Variants in APBB1IP observed in about 807,000 individuals in gnomAD.
The protein encoded by APBB1IP is amyloid beta A4 precursor protein-binding family B member 1-interacting protein.
Under a neutral mutation model 64.9 loss-of-function variants are expected in APBB1IP, and 27 were observed. That is an observed-to-expected ratio of 0.42 (90% CI 0.31 to 0.57). The LOEUF (loss-of-function observed/expected upper bound fraction) is 0.57. Among genes scored for constraint, APBB1IP ranks in the 20% least tolerant of loss-of-function variants. APBB1IP has a pLI of 0.20. For synonymous variants in APBB1IP, 392 were observed against 331.0 expected, an observed-to-expected ratio of 1.18 and a Z score of -2.00; for missense variants, 812 against 845.5, an observed-to-expected ratio of 0.96 and a Z score of 0.49.
chr10:26,540,272 A>G (rs538520811), intron 10 of APBB1IP, among the ~76,000 whole-genome samples: 1 of 152,286 alleles, frequency 6.6e-6, no homozygotes, highest in African/African-American at 2.4e-5. Flanking sequence ...AGACTCCTAG[A>G]TGCAATGTTA....
rs149428710 is a variant in APBB1IP at position 26,504,993 on chromosome 10, C to T, written c.531+1719C>T. Among the ~76,000 whole-genome samples the T allele has an allele frequency of 6.8e-3, 1,032 of 152,178 alleles. 11 individuals carry two copies. Among genetic ancestry groups the T allele is most frequent in the African/African-American group, 0.023 (939 of 41,518 alleles). On this transcript the variant is annotated intron_variant, in intron 6 of 14. Coordinates refer to ENST00000376236, the MANE Select transcript of APBB1IP (RefSeq NM_019043.4). ...CTTTTCTCGGACTCCTAGGCTCAAG[C>T]GCGCCACCCATCTCAGCCTCACAAA...
At chr10:26,499,300 A>C (rs1836067225) in intron 4 of APBB1IP, among the ~76,000 whole-genome samples, 1 of 152,086 alleles carries the variant, frequency 6.6e-6, no homozygotes, top group South Asian at 2.1e-4. Context: ...TAGGTGACAA[A>C]GCGAAACTCT....
At chr10:26,565,745 T>C (rs1200039026) in intron 14 of APBB1IP, among the ~76,000 whole-genome samples, 1 of 152,182 alleles carries the variant, frequency 6.6e-6, no homozygotes, top group Non-Finnish European at 1.5e-5. Flanking sequence ...TGTTCTAAAG[T>C]GCAATCTTAA....
At chr10:26,504,464 C>G (rs1348845161) in intron 6 of APBB1IP, among the ~76,000 whole-genome samples, 2 of 152,164 alleles carry the variant, frequency 1.3e-5, no homozygotes, top group Non-Finnish European at 2.9e-5. Flanking sequence ...AATCCCAACA[C>G]TTTGGGAGGC....
chr10:26,472,398 C>A (rs1465284632), intron 2 of APBB1IP, among the ~76,000 whole-genome samples: 1 of 152,176 alleles, frequency 6.6e-6, no homozygotes, highest in Non-Finnish European at 1.5e-5. Flanking sequence ...TATGGACCCA[C>A]CTTCTCCTCA....
intron 8 of APBB1IP, among the ~76,000 whole-genome samples, chr10:26,524,604 G>C (rs968017609): frequency 1.3e-5 from 2 of 152,172 alleles, no homozygotes; most frequent in African/African-American, 4.8e-5. Context: ...TGGAAGGTAT[G>C]CATTGGTTCC....
chr10:26,567,439 T>C lies in APBB1IP; in HGVS notation c.1952T>C (p.Met651Thr), dbSNP rs755962662. The C allele has an allele frequency of 4.4e-6, 7 of 1,607,000 alleles. No homozygotes were observed. Among genetic ancestry groups the C allele is most frequent in the South Asian group, 1.1e-5 (1 of 90,936 alleles). The change falls in exon 15 of 15, where the codon ATG becomes ACG. Residue 651 changes from methionine (M) to threonine (T), a missense_variant. Met to Thr is a moderately conservative substitution (Grantham distance 81). Transcript: ENST00000376236. ...GGAGGGEQDF[M>T]SDLMKALQKK... Reference sequence around the variant, plus strand: ...GCAGGAGGCGGGGAGCAAGATTTCATGTCAGACCTCATGAAAGCTTTGCAA... The same window carrying C: ...GCAGGAGGCGGGGAGCAAGATTTCACGTCAGACCTCATGAAAGCTTTGCAA...
At position 26,557,703 on chromosome 10, in the gene APBB1IP, G is replaced by A. The variant is rs139448281; in HGVS notation, c.1156-2402G>A. ...TGAAACCAAAAATTACTAAACTCTC[G>A]TCAAGCTCTTGGAGTCTATAAAGGT... On this transcript the variant is annotated intron_variant, in intron 11 of 14. Transcript: ENST00000376236. Among the ~76,000 whole-genome samples, 193 of 152,238 alleles carry A rather than the reference G, an allele frequency of 1.3e-3. 1 individual carries two copies. Among genetic ancestry groups the A allele is most frequent in the East Asian group, 5.2e-3 (27 of 5,186 alleles).
At chr10:26,527,667 A>G (rs1301566216) in intron 8 of APBB1IP, among the ~76,000 whole-genome samples, 4 of 143,424 alleles carry the variant, frequency 2.8e-5, no homozygotes. Context: ...TTAGACTTAG[A>G]TTTAGGTAGG....
At chr10:26,498,277 C>T (rs572167231) in intron 4 of APBB1IP, among the ~76,000 whole-genome samples, 2 of 151,880 alleles carry the variant, frequency 1.3e-5, no homozygotes, top group South Asian at 2.1e-4. Flanking sequence ...GGGAGGCCGA[C>T]GCTGGTGGAT....
intron 4 of APBB1IP, 72 bp from the exon 5 acceptor site, chr10:26,500,746 TA>T: frequency 7.0e-7 from 1 of 1,422,196 alleles, no homozygotes; most frequent in Non-Finnish European, 9.6e-7. Context: ...ATATTATGCT[TA>T]AAAATTATCT....
At chr10:26,550,982 G>A (rs1836823601) in intron 11 of APBB1IP, among the ~76,000 whole-genome samples, 1 of 152,222 alleles carries the variant, frequency 6.6e-6, no homozygotes, top group African/African-American at 2.4e-5. Context: ...ACTCTGCCGA[G>A]GATACACTGT....
chr10:26,554,578 G>C (rs1014501262), intron 11 of APBB1IP, among the ~76,000 whole-genome samples: 3 of 151,958 alleles, frequency 2.0e-5, no homozygotes, highest in African/African-American at 4.8e-5. Flanking sequence ...TTTTTTGTCG[G>C]TTTTGGTGTT....
intron 11 of APBB1IP, among the ~76,000 whole-genome samples, chr10:26,549,781 GT>G (rs1836808397): frequency 6.6e-6 from 1 of 151,352 alleles, no homozygotes; most frequent in African/African-American, 2.4e-5. Context: ...TAATATTTGT[GT>G]TTTAGCCTCT....
chr10:26,539,712 T>C (rs1836674025), intron 10 of APBB1IP, among the ~76,000 whole-genome samples: 1 of 152,054 alleles, frequency 6.6e-6, no homozygotes, highest in South Asian at 2.1e-4. Flanking sequence ...TTGCAACATG[T>C]ATAAACAAGT....
chr10:26,560,016 TAG>T, intron 11 of APBB1IP, 87 bp from the exon 12 acceptor site: 1 of 1,067,416 alleles, frequency 9.4e-7, no homozygotes, highest in East Asian at 2.4e-5. Context: ...CATATATTGT[TAG>T]AGATTTTTTT....
At chr10:26,560,067 A>C (rs1345148349) in intron 11 of APBB1IP, 38 bp from the exon 12 acceptor site, 2 of 1,557,478 alleles carry the variant, frequency 1.3e-6, no homozygotes, top group Non-Finnish European at 1.8e-6. Flanking sequence ...CTAATACATG[A>C]CAAGTGAATA....
chr10:26,481,066 G>C (rs1384743268), intron 2 of APBB1IP, among the ~76,000 whole-genome samples: 1 of 151,434 alleles, frequency 6.6e-6, no homozygotes, highest in African/African-American at 2.4e-5. Context: ...GACACCCAAA[G>C]TAGAAAAAAA....
intron 11 of APBB1IP, among the ~76,000 whole-genome samples, chr10:26,557,058 A>C (rs1316212353): frequency 1.3e-5 from 2 of 152,222 alleles, no homozygotes. Context: ...TATGACCTTC[A>C]GGTTAATTAA....
Sources: gnomAD v4.1 joint callset for allele counts (sites outside exome capture counted in the v4.1 genomes callset) on GRCh38, gnomAD v4.1.1 for gene constraint, MANE v1.5 for transcripts, NCBI Gene and HGNC (gene_info 2026-07-23, HGNC 2026-07-21) for gene names.